GABRB1: variants seen among roughly 807,000 people sequenced by gnomAD.
GABRB1 encodes the protein gamma-aminobutyric acid type A receptor subunit beta1.
A neutral mutation model predicts 51.6 loss-of-function variants in GABRB1; 17 were observed. The observed-to-expected ratio is 0.33, with a 90% CI of 0.23 to 0.49. The LOEUF (loss-of-function observed/expected upper bound fraction) is 0.49. Among genes scored for constraint, GABRB1 ranks in the 20% least tolerant of loss-of-function variants. The pLI is 0.99. For missense variants in GABRB1, 410 were observed against 600.6 expected (o/e 0.68, Z 3.32); for synonymous variants, 247 against 218.9 (o/e 1.13, Z -1.14).
chr4:47,173,193 C>A (rs1718517845), intron 4 of GABRB1, among the ~76,000 whole-genome samples: 1 of 152,144 alleles, frequency 6.6e-6, no homozygotes, highest in Non-Finnish European at 1.5e-5. Flanking sequence ...TCGTTTTAAA[C>A]ACCAAAGGAT....
At chr4:47,165,181 GT>G (rs1287000988) in intron 4 of GABRB1, among the ~76,000 whole-genome samples, 6 of 152,098 alleles carry the variant, frequency 3.9e-5, no homozygotes, top group African/African-American at 1.4e-4. Context: ...AAATTCTTCT[GT>G]TTTTCCTCCC....
intron 3 of GABRB1, among the ~76,000 whole-genome samples, chr4:47,040,597 G>GA (rs555267506): frequency 4.2e-4 from 63 of 151,758 alleles, no homozygotes; most frequent in Admixed American, 2.3e-3. Context: ...ACATTTTCAG[G>GA]AAAAAAAATT....
At chr4:47,055,658 G>C (rs558050452) in intron 3 of GABRB1, among the ~76,000 whole-genome samples, 78 of 152,198 alleles carry the variant, frequency 5.1e-4, no homozygotes, top group African/African-American at 1.8e-3. Context: ...GGCCCAAATG[G>C]ACCCATTTGC....
intron 5 of GABRB1, among the ~76,000 whole-genome samples, chr4:47,334,068 C>T (rs1725601129): frequency 6.6e-6 from 1 of 152,174 alleles, no homozygotes; most frequent in Non-Finnish European, 1.5e-5. Context: ...ATGCACCTTG[C>T]AGTGCTTGTC....
At chr4:47,234,750 T>C (rs577149393) in intron 4 of GABRB1, among the ~76,000 whole-genome samples, 2 of 152,328 alleles carry the variant, frequency 1.3e-5, no homozygotes, top group East Asian at 3.9e-4. Flanking sequence ...GTGTATGTTT[T>C]GATATGCAAA....
intron 5 of GABRB1, among the ~76,000 whole-genome samples, chr4:47,331,410 C>G (rs1184037191): frequency 6.6e-6 from 1 of 152,116 alleles, no homozygotes; most frequent in Non-Finnish European, 1.5e-5. Flanking sequence ...ATCAACTTGA[C>G]TATAAAGTTA....
chr4:47,233,819 A>T (rs1171645844), intron 4 of GABRB1, among the ~76,000 whole-genome samples: 4 of 152,230 alleles, frequency 2.6e-5, no homozygotes, highest in African/African-American at 7.2e-5. Flanking sequence ...TAAATTACAC[A>T]AATAGTGTAT....
At chr4:47,001,384 C>A (rs1426248415) in intron 1 of GABRB1, among the ~76,000 whole-genome samples, 1 of 149,682 alleles carries the variant, frequency 6.7e-6, no homozygotes, top group Non-Finnish European at 1.5e-5. Flanking sequence ...CCTCGTGATT[C>A]TCCCGCCTTG....
Position 47,254,361 on chromosome 4 carries a change from G to GTTTTTTTTTTTT in GABRB1, c.462-65746_462-65735dup, listed in dbSNP as rs56838956. ...ATGGTGGATGATGTTTCTTTTCTTT[G>GTTTTTTTTTTTT]TTTTTTTTTTTTTTTTTTTTTTTTT... On this transcript the variant is annotated intron_variant, in intron 4 of 8. Transcript: ENST00000295454. 9.9e-5 allele frequency among the ~76,000 whole-genome samples: 8 copies of GTTTTTTTTTTTT among 80,960 alleles called. 1 individual carries two copies. The highest frequency in any genetic ancestry group is 3.1e-4 in the African/African-American group (6 of 19,286). 53.1% of individuals were successfully genotyped at this position (80,960 alleles called of 152,430 possible).
intron 5 of GABRB1, among the ~76,000 whole-genome samples, chr4:47,387,340 T>C (rs1727834148): frequency 6.6e-6 from 1 of 152,090 alleles, no homozygotes; most frequent in African/African-American, 2.4e-5. Flanking sequence ...TTTATGGTGT[T>C]ATGCACTTGT....
intron 4 of GABRB1, among the ~76,000 whole-genome samples, chr4:47,210,918 G>A (rs1720328377): frequency 1.3e-5 from 2 of 152,138 alleles, no homozygotes; most frequent in African/African-American, 4.8e-5. Context: ...CTGGGAGGAG[G>A]TGACAAGTAG....
intron 5 of GABRB1, among the ~76,000 whole-genome samples, chr4:47,386,386 A>G (rs959806852): frequency 1.3e-5 from 2 of 152,186 alleles, no homozygotes; most frequent in Non-Finnish European, 2.9e-5. Context: ...CCCTTTGACT[A>G]TGAAGACAAA....
intron 1 of GABRB1, among the ~76,000 whole-genome samples, chr4:47,001,218 C>T (rs570479889): frequency 1.5e-3 from 226 of 152,294 alleles, no homozygotes; most frequent in African/African-American, 5.0e-3. Context: ...TCTGGGCTCA[C>T]TGCAAGCTCC....
chr4:47,392,245 G>C (rs558100294), intron 5 of GABRB1, among the ~76,000 whole-genome samples: 16 of 151,980 alleles, frequency 1.1e-4, no homozygotes, highest in African/African-American at 3.9e-4. Context: ...AAAGAGAGGT[G>C]ACTTCTTCAA....
At chr4:47,321,629 T>TA (rs1725090615) in intron 5 of GABRB1, among the ~76,000 whole-genome samples, 1 of 152,214 alleles carries the variant, frequency 6.6e-6, no homozygotes, top group African/African-American at 2.4e-5. Flanking sequence ...TACTAGTAGC[T>TA]AATAACATTT....
chr4:47,248,983 TTTTG>T lies in GABRB1; in HGVS notation c.462-71132_462-71129del, dbSNP rs201944445. On this transcript the variant is annotated intron_variant, in intron 4 of 8. Transcript: ENST00000295454. ...CTTTTCGTTTCATTCATCTTTTGTATTTTGTTTGTTTGTTTCAATTTCATTTAAT... is the reference window on the plus strand; with the variant it reads ...CTTTTCGTTTCATTCATCTTTTGTATTTTGTTTGTTTCAATTTCATTTAAT... 8.7e-3 allele frequency among the ~76,000 whole-genome samples: 1,318 copies of T among 152,146 alleles called. 16 individuals carry two copies. The highest frequency in any genetic ancestry group is 0.03 in the African/African-American group (1,250 of 41,540).
intron 4 of GABRB1, 108 bp downstream of exon 4, chr4:47,161,577 T>C: frequency 1.3e-6 from 1 of 798,994 alleles, no homozygotes; most frequent in Non-Finnish European, 2.0e-6. Flanking sequence ...GATGAATATA[T>C]AAATGGGGTG....
intron 3 of GABRB1, among the ~76,000 whole-genome samples, chr4:47,102,309 G>A (rs1714758212): frequency 6.6e-6 from 1 of 151,896 alleles, no homozygotes; most frequent in South Asian, 2.1e-4. Flanking sequence ...AATAGCCACA[G>A]GATGCCTACC....
At position 47,116,981 on chromosome 4, in the gene GABRB1, G is replaced by C. The variant is rs139742219; in HGVS notation, c.241-44268G>C. ...CTCATGAGAACTCACACACCATCAG[G>C]AGAGCAGCAAGCGGGGAAGTCCACC... On this transcript the variant is annotated intron_variant, in intron 3 of 8. Transcript: ENST00000295454. Among the ~76,000 whole-genome samples the C allele has an allele frequency of 2.6e-5, 4 of 152,202 alleles. No individual in the cohort carries two copies. The East Asian group carries it at 7.7e-4, about 29-fold the overall frequency.
Sources: allele counts gnomAD v4.1 joint callset (sites outside exome capture counted in the v4.1 genomes callset), GRCh38; gene constraint gnomAD v4.1.1; transcripts MANE v1.5; gene names NCBI Gene and HGNC (gene_info 2026-07-23, HGNC 2026-07-21).